Variants in RFX2 observed in about 807,000 individuals in gnomAD.
RFX2 encodes DNA-binding protein RFX2.
Under a neutral mutation model 87.8 loss-of-function variants are expected in RFX2, and 20 were observed. The ratio of observed to expected loss-of-function variants is 0.23; its 90% CI spans 0.16 to 0.33. The LOEUF (loss-of-function observed/expected upper bound fraction) is 0.33. RFX2 is among the 10% of genes least tolerant of loss of function. RFX2 has a pLI of 1.00. For synonymous variants in RFX2, 397 were observed against 431.3 expected (o/e 0.92, Z 0.98); for missense variants, 767 against 1,012.3 (o/e 0.76, Z 3.29).
intron 1 of RFX2, among the ~76,000 whole-genome samples, chr19:6,088,326 C>T (rs974589612): frequency 1.3e-5 from 2 of 151,484 alleles, no homozygotes; most frequent in South Asian, 2.1e-4. Context: ...ATTCTCCTGC[C>T]TCAGCCTCCT....
In RFX2 at chr19:6,035,845, T is replaced by TG. The variant is rs746972870; in HGVS notation, c.522+4134dup. Reference sequence around the variant, plus strand: ...AGATGATGACTCCCCCAGAGCTTGGTGGGGGGTGTGTGTGTGTGTGTGTGT... The same window carrying TG: ...AGATGATGACTCCCCCAGAGCTTGGTGGGGGGGTGTGTGTGTGTGTGTGTGT... On this transcript the variant is annotated intron_variant, in intron 5 of 17. Coordinates refer to ENST00000303657, the MANE Select transcript of RFX2 (RefSeq NM_000635.4). Among the ~76,000 whole-genome samples, 831 of 107,160 alleles carry TG rather than the reference T, an allele frequency of 7.8e-3. 4 individuals carry two copies. The highest frequency in any genetic ancestry group is 0.033 in the African/African-American group (749 of 22,816). The allele number at this position is 107,160 out of a possible 152,430, so 70.3% of individuals were successfully genotyped here.
At chr19:6,094,632 A>G (rs908973088) in intron 1 of RFX2, among the ~76,000 whole-genome samples, 48 of 152,352 alleles carry the variant, frequency 3.2e-4, no homozygotes, top group African/African-American at 1.1e-3. Flanking sequence ...TATAGAAGCC[A>G]GGGCCACACG....
Position 6,013,073 on chromosome 19 carries a change from C to T in RFX2, c.812G>A (p.Arg271His), listed in dbSNP as rs78767825. The T allele has an allele frequency of 1.3e-3, 2,139 of 1,599,540 alleles. 7 individuals are homozygous for T. Among genetic ancestry groups the T allele is most frequent in the Non-Finnish European group, 1.5e-3 (1,761 of 1,173,484 alleles). The change falls in exon 8 of 18, where the codon CGT (arginine) becomes CAT (histidine). Residue 271 changes from arginine (R) to histidine (H), a missense_variant. Transcript: ENST00000303657. This position sits in a 1 kb window ranked among gnomAD's most constrained non-coding sequence, Gnocchi z 4.1. ...GTTCAGTGGTGAGTCCGGCTTCAGA[C>T]GAATCCCATAGTAATGGTACTTCGA... ...GNSKYHYYGI[R>H]LKPDSPLNRL... is the part of the protein sequence containing the mutation.
intron 3 of RFX2, among the ~76,000 whole-genome samples, chr19:6,042,500 T>TG (rs2087125347): frequency 2.0e-5 from 3 of 151,844 alleles, no homozygotes; most frequent in African/African-American, 7.3e-5. Flanking sequence ...GTTTCTGTTT[T>TG]TTTTTTTTGT....
Position 6,007,238 on chromosome 19 carries a change from G to A in RFX2, c.1248-72C>T. 1 of 1,520,562 alleles carries A rather than the reference G, an allele frequency of 6.6e-7. No homozygotes were observed. Among genetic ancestry groups the A allele is most frequent in the Non-Finnish European group, 9.0e-7 (1 of 1,110,640 alleles). The allele number at this position is 1,520,562 out of a possible 1,614,324, so 94.2% of individuals were successfully genotyped here. A position where few individuals can be genotyped will look rare whatever the true frequency, so the allele number is the denominator to read the frequency against. ...GCTCACTCAGCCACGGGAGCGAGCA[G>A]AGAGCCGGGCTGCGGGACTTTTGCC... On this transcript the variant is annotated intron_variant, in intron 11 of 17. Transcript: ENST00000303657. The surrounding 1 kb of genome is among the most constrained non-coding windows in gnomAD (Gnocchi z 8.2).
chr19:6,106,191 G>T (rs774395132), intron 1 of RFX2, among the ~76,000 whole-genome samples: 3 of 152,056 alleles, frequency 2.0e-5, no homozygotes, highest in Middle Eastern at 3.4e-3. Flanking sequence ...GTGGTTTTCA[G>T]TTTTTTCTCT....
intron 5 of RFX2, among the ~76,000 whole-genome samples, chr19:6,035,163 C>T (rs2087005040): frequency 6.6e-6 from 1 of 152,080 alleles, no homozygotes; most frequent in Non-Finnish European, 1.5e-5. Flanking sequence ...TTCGTCAGGG[C>T]CCACCGTGTG....
chr19:6,070,997 G>T (rs945142023), intron 1 of RFX2, among the ~76,000 whole-genome samples: 6 of 152,178 alleles, frequency 3.9e-5, no homozygotes, highest in Admixed American at 2.6e-4. Flanking sequence ...GACTGCAGGC[G>T]TGAGCCCCCG....
chr19:6,033,617 A>G (rs1303014496), intron 5 of RFX2, among the ~76,000 whole-genome samples: 1 of 141,088 alleles, frequency 7.1e-6, no homozygotes, highest in Non-Finnish European at 1.5e-5. Flanking sequence ...CACCTTTGCA[A>G]AAAAAAAAAA....
intron 1 of RFX2, chr19:6,072,867 G>A (rs1482233168): frequency 2.3e-6 from 3 of 1,301,678 alleles, no homozygotes; most frequent in Non-Finnish European, 3.3e-6. Context: ...TCGTCAAAAA[G>A]AGAACCAAGG....
Position 6,010,108 on chromosome 19 carries a change from C to G in RFX2, c.1015+28G>C. On this transcript the variant is annotated intron_variant, in intron 9 of 17. Transcript: ENST00000303657. This position sits in a 1 kb window ranked among gnomAD's most constrained non-coding sequence, Gnocchi z 5.0. ...GAGTGTGGCGAGCAGATGGGAGCCC[C>G]GCCCCCGGGCCTGACCGGGCCTCTC... 6.9e-7 allele frequency: 1 copy of G among 1,443,040 alleles called. No individual in the cohort carries two copies. The highest frequency in any genetic ancestry group is 9.5e-7 in the Non-Finnish European group (1 of 1,054,010). 89.4% of individuals were successfully genotyped at this position (1,443,040 alleles called of 1,614,324 possible).
At position 6,056,674 on chromosome 19, in the gene RFX2, T is replaced by C. The variant is rs1002380198; in HGVS notation, c.-8-9170A>G. On this transcript the variant is annotated intron_variant, in intron 1 of 17. Coordinates refer to ENST00000303657, the MANE Select transcript of RFX2 (RefSeq NM_000635.4). This position sits in a 1 kb window ranked among gnomAD's most constrained non-coding sequence, Gnocchi z 4.6. ...AGTAGATGTGAGTGAGTGGAGGCCA[T>C]GCTTCTTCTCTGAACCTGAATCTGC... Among the ~76,000 whole-genome samples the C allele has an allele frequency of 6.6e-6, 1 of 152,232 alleles. No individual in the cohort carries two copies. The highest frequency in any genetic ancestry group is 6.5e-5 in the Admixed American group (1 of 15,278).
In RFX2 at chr19:6,042,028, C is replaced by T. The variant is rs766037456; in HGVS notation, c.260+16G>A. The T allele has an allele frequency of 9.9e-6, 16 of 1,611,124 alleles. No homozygotes were observed. Among genetic ancestry groups the T allele is most frequent in the African/African-American group, 5.3e-5 (4 of 74,882 alleles). On this transcript the variant is annotated intron_variant, in intron 4 of 17. Transcript: ENST00000303657. ...GGGAGAGGGTTCCGGGTGTGGCCCG[C>T]GGGAGAAGCACGCACATGGCTCCAT...
chr19:6,100,285 AGGGGAG>A (rs150889266), intron 1 of RFX2, among the ~76,000 whole-genome samples: 12,282 of 152,244 alleles, frequency 0.081, 525 homozygotes, highest in Middle Eastern at 0.11. Context: ...GTTACAACAA[AGGGGAG>A]GGGACAGTTT....
chr19:6,000,691 G>T (rs577380178), intron 15 of RFX2, among the ~76,000 whole-genome samples: 55 of 152,388 alleles, frequency 3.6e-4, no homozygotes, highest in Non-Finnish European at 6.5e-4. Context: ...CTTCCGCCAT[G>T]CTTGTGAGGC....
chr19:6,082,591 C>G (rs2087801113), intron 1 of RFX2, among the ~76,000 whole-genome samples: 1 of 152,142 alleles, frequency 6.6e-6, no homozygotes, highest in East Asian at 1.9e-4. Flanking sequence ...CACCACCACT[C>G]TCAGCTAGTT....
chr19:6,021,315 C>T lies in RFX2; in HGVS notation c.597+4848G>A, dbSNP rs115852233. Among the ~76,000 whole-genome samples, 664 of 152,256 alleles carry T rather than the reference C, an allele frequency of 4.4e-3. 5 individuals carry two copies. The highest frequency in any genetic ancestry group is 0.015 in the African/African-American group (639 of 41,532). Reference sequence around the variant, plus strand: ...CCTTGTTTAGGTGCTGGGGATGCAACGGCGAATAAAAGACAAAAACCCCTG... The same window carrying T: ...CCTTGTTTAGGTGCTGGGGATGCAATGGCGAATAAAAGACAAAAACCCCTG... On this transcript the variant is annotated intron_variant, in intron 6 of 17. Coordinates refer to ENST00000303657, the MANE Select transcript of RFX2 (RefSeq NM_000635.4). The surrounding 1 kb of genome is among the most constrained non-coding windows in gnomAD (Gnocchi z 5.7).
rs922109804 is a variant in RFX2, at chr19:5,998,237, G to A, written c.1860-1024C>T. 2.0e-5 allele frequency among the ~76,000 whole-genome samples: 3 copies of A among 152,182 alleles called. No homozygotes were observed. The highest frequency in any genetic ancestry group is 2.9e-5 in the Non-Finnish European group (2 of 68,022). The stretch of plus-strand genomic sequence containing the variant: ...GCAGGAAAATTGCTTGAACCTGGGA[G>A]GCGGAGGCTGCAGTGAGCCGAGATC... On this transcript the variant is annotated intron_variant, in intron 15 of 17. Coordinates refer to ENST00000303657, the MANE Select transcript of RFX2 (RefSeq NM_000635.4). This position sits in a 1 kb window ranked among gnomAD's most constrained non-coding sequence, Gnocchi z 4.2.
Position 6,002,703 on chromosome 19 carries a change from C to T in RFX2, c.1650+18G>A, listed in dbSNP as rs373237127. 5.2e-5 allele frequency: 83 copies of T among 1,611,406 alleles called. No homozygotes were observed. Among genetic ancestry groups the T allele is most frequent in the Middle Eastern group, 3.8e-4 (2 of 5,244 alleles). On this transcript the variant is annotated intron_variant, in intron 14 of 17. Coordinates refer to ENST00000303657, the MANE Select transcript of RFX2 (RefSeq NM_000635.4). The surrounding 1 kb of genome is among the most constrained non-coding windows in gnomAD (Gnocchi z 6.7). ...GGGCGGGAAGCCCGGGCCCTGGGGA[C>T]GGTGTGGAGGAAGTCACCTGCACGT...
Sources: gnomAD v4.1 joint callset for allele counts (sites outside exome capture counted in the v4.1 genomes callset) on GRCh38, gnomAD v4.1.1 for gene constraint, Gnocchi (gnomAD v3.1) non-coding constraint, MANE v1.5 for transcripts, NCBI Gene and HGNC (gene_info 2026-07-23, HGNC 2026-07-21) for gene names.